The following PAK2 variants were observed in gnomAD, a reference collection of about 807,000 sequenced individuals.
PAK2 encodes p21 (RAC1) activated kinase 2, also known as serine/threonine-protein kinase PAK 2.
In PAK2, 21 loss-of-function variants were observed where a neutral mutation model predicts 65.9. That is an observed-to-expected ratio of 0.32 (90% confidence interval 0.23 to 0.46). The LOEUF (loss-of-function observed/expected upper bound fraction) is 0.46, where lower values mean the gene tolerates loss of function less well. Ranked by LOEUF, PAK2 falls within the 20% of genes least tolerant of loss-of-function variation. The pLI is 1.00. For synonymous variants in PAK2, 204 were observed against 219.7 expected, an observed-to-expected ratio of 0.93 and a Z score of 0.63; for missense variants, 324 against 642.6, an observed-to-expected ratio of 0.50 and a Z score of 5.36.
intron 8 of PAK2, among the ~76,000 whole-genome samples, chr3:196,811,103 A>G (rs540648317): frequency 6.6e-6 from 1 of 151,962 alleles, no homozygotes; most frequent in Non-Finnish European, 1.5e-5. Flanking sequence ...GCAAATAAAC[A>G]CCTAAATTTT....
intron 11 of PAK2, 82 bp from the exon 12 acceptor site, chr3:196,817,975 T>C (rs1711526676): frequency 1.7e-6 from 1 of 577,350 alleles, no homozygotes; most frequent in Admixed American, 2.7e-5. Flanking sequence ...CTGGAAGCAA[T>C]GCTCAGGCCA....
intron 1 of PAK2, among the ~76,000 whole-genome samples, chr3:196,776,469 C>A (rs966438759): frequency 6.6e-6 from 1 of 152,114 alleles, no homozygotes; most frequent in African/African-American, 2.4e-5. Flanking sequence ...GTTCAGACTT[C>A]GTATTTTGCG....
chr3:196,774,503 A>G (rs897404609), intron 1 of PAK2, among the ~76,000 whole-genome samples: 2 of 152,202 alleles, frequency 1.3e-5, no homozygotes, highest in East Asian at 1.9e-4. Flanking sequence ...CTAAGCCTTG[A>G]AAGATTTGGT....
intron 1 of PAK2, among the ~76,000 whole-genome samples, chr3:196,766,374 A>G (rs1714168796): frequency 6.6e-6 from 1 of 152,180 alleles, no homozygotes; most frequent in Non-Finnish European, 1.5e-5. Flanking sequence ...CTAACTGTGT[A>G]ATACATATAA....
chr3:196,768,570 A>G lies in PAK2; in HGVS notation c.-21-14056A>G, dbSNP rs530788805. On this transcript the variant is annotated intron_variant, in intron 1 of 14. Coordinates refer to ENST00000327134, the MANE Select transcript of PAK2 (RefSeq NM_002577.4). ...TTGCCAAGGCTGGAGTGCAGTGGCAACCCCAACCTCCTGGGCTCAAGTGAT... is the reference window on the plus strand; with the variant it reads ...TTGCCAAGGCTGGAGTGCAGTGGCAGCCCCAACCTCCTGGGCTCAAGTGAT... Among the ~76,000 whole-genome samples, 339 of 151,302 alleles carry G rather than the reference A, an allele frequency of 2.2e-3. 8 individuals are homozygous for G. The highest frequency in any genetic ancestry group is 5.5e-3 in the African/African-American group (225 of 41,094).
At chr3:196,750,657 T>A (rs1277617177) in intron 1 of PAK2, among the ~76,000 whole-genome samples, 1 of 152,118 alleles carries the variant, frequency 6.6e-6, no homozygotes, top group African/African-American at 2.4e-5. Context: ...CTTTTTAAAA[T>A]TGCGTGTAGT....
chr3:196,786,787 T>C (rs1011679959), intron 2 of PAK2, among the ~76,000 whole-genome samples: 2 of 152,056 alleles, frequency 1.3e-5, no homozygotes, highest in African/African-American at 4.8e-5. Flanking sequence ...GTACCTGAGC[T>C]AATAGTAGCA....
chr3:196,745,306 T>G (rs1463332032), intron 1 of PAK2, among the ~76,000 whole-genome samples: 1 of 89,492 alleles, frequency 1.1e-5, no homozygotes. Context: ...TTTTTTTTTG[T>G]AGAGACGGGG....
Position 196,814,562 on chromosome 3 carries a change from CAG to C in PAK2, c.1052_1053del (p.Glu351ValfsTer11). 7.6e-7 allele frequency: 1 copy of C among 1,313,530 alleles called. No individual in the cohort carries two copies. The highest frequency in any genetic ancestry group is 1.1e-6 in the Non-Finnish European group (1 of 911,212). The allele number at this position is 1,313,530 out of a possible 1,614,324, so 81.4% of individuals were successfully genotyped here. Reference sequence around the variant, plus strand: ...ATGAAGCACAGATTGCTGCTGTATGCAGAGAGGTAGGTTTGCCTCCTTCTTGA... The same window carrying C: ...ATGAAGCACAGATTGCTGCTGTATGCAGAGGTAGGTTTGCCTCCTTCTTGA... ...MDEAQIAAVC[R>X]ECLQALEFLH... On this transcript the variant is annotated frameshift_variant, in exon 11 of 15. Coordinates refer to ENST00000327134, the MANE Select transcript of PAK2 (RefSeq NM_002577.4). LOFTEE classifies it high-confidence loss of function.
At position 196,810,642 on chromosome 3, in the gene PAK2, A is replaced by G. The variant is rs747191531; in HGVS notation, c.762A>G (p.Lys254=). 1 of 1,497,474 alleles carries G rather than the reference A, an allele frequency of 6.7e-7. No homozygotes were observed. The highest frequency in any genetic ancestry group is 9.3e-7 in the Non-Finnish European group (1 of 1,074,568). The allele number at this position is 1,497,474 out of a possible 1,614,324, so 92.8% of individuals were successfully genotyped here. Residue 254 remains lysine, a synonymous_variant, in exon 8 of 15, where the codon AAA becomes AAG. Transcript: ENST00000327134. ...DPKKKYTRYE[K]IGQGASGTVF... ...AGAAAAAATATACAAGATATGAAAAAATTGGACAAGGGTAAGTATTTGTGA... is the reference window on the plus strand; with the variant it reads ...AGAAAAAATATACAAGATATGAAAAGATTGGACAAGGGTAAGTATTTGTGA...
chr3:196,741,320 C>T (rs537035020), intron 1 of PAK2, among the ~76,000 whole-genome samples: 1 of 152,158 alleles, frequency 6.6e-6, no homozygotes, highest in African/African-American at 2.4e-5. Context: ...AGTAAAGTTA[C>T]ATTGGGATGA....
At chr3:196,819,405 G>A (rs747160391) in intron 12 of PAK2, among the ~76,000 whole-genome samples, 7 of 152,242 alleles carry the variant, frequency 4.6e-5, no homozygotes, top group Non-Finnish European at 1.0e-4. Context: ...TTGCTCTACT[G>A]CACACAGCGT....
chr3:196,819,347 C>T (rs1220572001), intron 12 of PAK2, among the ~76,000 whole-genome samples: 2 of 152,098 alleles, frequency 1.3e-5, no homozygotes, highest in African/African-American at 4.8e-5. Context: ...GAGGCTGAGG[C>T]AGGAGGATGG....
rs1372772292 is a variant in PAK2, at chr3:196,791,799, C to T, written c.187+8966C>T. Among the ~76,000 whole-genome samples, 5 of 152,088 alleles carry T rather than the reference C, an allele frequency of 3.3e-5. No individual in the cohort carries two copies. Among genetic ancestry groups the T allele is most frequent in the African/African-American group, 4.8e-5 (2 of 41,400 alleles). The stretch of plus-strand genomic sequence containing the variant: ...GTTAGCCAGGCGTGGTGGCGGGCCC[C>T]TGTAGTCCCAGCTACTCGGGAGGCT... On this transcript the variant is annotated intron_variant, in intron 2 of 14. Transcript: ENST00000327134. The surrounding 1 kb of genome is among the most constrained non-coding windows in gnomAD (Gnocchi z 4.0).
chr3:196,743,081 T>C (rs1263991498), intron 1 of PAK2, among the ~76,000 whole-genome samples: 2 of 152,068 alleles, frequency 1.3e-5, no homozygotes, highest in African/African-American at 4.8e-5. Context: ...TTTTTGTGCC[T>C]TAACAGAGCA....
intron 2 of PAK2, among the ~76,000 whole-genome samples, chr3:196,801,635 C>T (rs1026467451): frequency 6.6e-6 from 1 of 151,354 alleles, no homozygotes; most frequent in Non-Finnish European, 1.5e-5. Flanking sequence ...GAGTTTGAGA[C>T]CAGCCTGATC....
chr3:196,752,210 A>G lies in PAK2; in HGVS notation c.-22+12053A>G, dbSNP rs76359904. On this transcript the variant is annotated intron_variant, in intron 1 of 14. Coordinates refer to ENST00000327134, the MANE Select transcript of PAK2 (RefSeq NM_002577.4). ...ACTTAATTCCTTTTTAAGGGTGAGT[A>G]ATACTCCATTCTATGTATTATACCA... is the stretch of plus-strand genomic sequence containing the variant. Among the ~76,000 whole-genome samples, 1,240 of 152,318 alleles carry G rather than the reference A, an allele frequency of 8.1e-3. 12 individuals carry two copies. Among genetic ancestry groups the G allele is most frequent in the African/African-American group, 0.027 (1,132 of 41,572 alleles).
intron 1 of PAK2, among the ~76,000 whole-genome samples, chr3:196,775,058 C>T (rs1714491561): frequency 6.6e-6 from 1 of 152,092 alleles, no homozygotes; most frequent in Non-Finnish European, 1.5e-5. Flanking sequence ...TATCCAAGGC[C>T]ATGCTTATAT....
chr3:196,823,372 C>G (rs1289664603), intron 13 of PAK2, among the ~76,000 whole-genome samples: 2 of 152,118 alleles, frequency 1.3e-5, no homozygotes, highest in Non-Finnish European at 2.9e-5. Flanking sequence ...GCTCAGGCTT[C>G]AGAAGAGGCT....
Sources: allele counts gnomAD v4.1 joint callset (sites outside exome capture counted in the v4.1 genomes callset), GRCh38; gene constraint gnomAD v4.1.1; non-coding constraint Gnocchi (gnomAD v3.1); transcripts MANE v1.5; gene names NCBI Gene and HGNC (gene_info 2026-07-23, HGNC 2026-07-21).